The following RXFP2 variants were observed in gnomAD, a reference collection of about 807,000 sequenced individuals.
RXFP2 encodes relaxin family peptide receptor 2.
A neutral mutation model predicts 88.6 loss-of-function variants in RXFP2; 68 were observed. The ratio of observed to expected loss-of-function variants is 0.77; its 90% confidence interval spans 0.63 to 0.94. The LOEUF (loss-of-function observed/expected upper bound fraction) is 0.94, where lower values mean the gene tolerates loss of function less well. Ranked by LOEUF, RXFP2 falls within the 40% of genes least tolerant of loss-of-function variation. The probability of loss-of-function intolerance (pLI) is 0.00; values close to 1 mark genes in which losing one functional copy is unlikely to be tolerated. For missense variants in RXFP2, 791 were observed against 893.9 expected, an observed-to-expected ratio of 0.88 and a Z score of 1.47; for synonymous variants, 329 against 306.8, an observed-to-expected ratio of 1.07 and a Z score of -0.76.
At position 31,777,326 on chromosome 13, in the gene RXFP2, T is replaced by C. The variant is rs201624163; in HGVS notation, c.642-50T>C. 7.8e-6 allele frequency: 11 copies of C among 1,406,992 alleles called. No homozygotes were observed. The East Asian group carries it at 1.4e-4, about 18-fold the overall frequency. The allele number at this position is 1,406,992 out of a possible 1,614,324, so 87.2% of individuals were successfully genotyped here. On this transcript the variant is annotated intron_variant, in intron 7 of 17. Coordinates refer to ENST00000298386, the MANE Select transcript of RXFP2 (RefSeq NM_130806.5). The stretch of plus-strand genomic sequence containing the variant: ...AGGTGTTGAGGGGAGGCAGGTTTTA[T>C]TTCACAAATGTCTCTAATATTGGAA...
intron 9 of RXFP2, 53 bp from the exon 10 acceptor site, chr13:31,781,618 G>T: frequency 1.6e-6 from 2 of 1,260,590 alleles, no homozygotes; most frequent in Non-Finnish European, 2.3e-6. Flanking sequence ...GTATCTCTAA[G>T]CATATGATTT....
intron 5 of RXFP2, among the ~76,000 whole-genome samples, chr13:31,768,154 A>G (rs1483349535): frequency 6.6e-6 from 1 of 152,206 alleles, no homozygotes; most frequent in African/African-American, 2.4e-5. Context: ...CTCTAAGTAA[A>G]TGTCTAATTC....
At chr13:31,748,469 T>C (rs1322040562) in intron 1 of RXFP2, among the ~76,000 whole-genome samples, 1 of 152,224 alleles carries the variant, frequency 6.6e-6, no homozygotes, top group Admixed American at 6.5e-5. Flanking sequence ...AATTTGCATT[T>C]CTCTGATTAT....
rs965896550 is a variant in RXFP2 at position 31,791,760 on chromosome 13, C to A, written c.1146-46C>A. On this transcript the variant is annotated intron_variant, in intron 14 of 17. Transcript: ENST00000298386. ...CCCGATAGGACTGCAACTGTAGGTT[C>A]TGTATCATTGCTGCAAAGTGACACT... 3 of 1,294,864 alleles carry A rather than the reference C, an allele frequency of 2.3e-6. No individual in the cohort carries two copies. In the African/African-American group the frequency reaches 4.4e-5, roughly 19 times the overall value. 80.2% of individuals were successfully genotyped at this position (1,294,864 alleles called of 1,614,324 possible). A position where few individuals can be genotyped will look rare whatever the true frequency, so the allele number is the denominator to read the frequency against.
At chr13:31,770,665 G>C (rs910232477) in intron 5 of RXFP2, among the ~76,000 whole-genome samples, 4 of 152,132 alleles carry the variant, frequency 2.6e-5, no homozygotes, top group Non-Finnish European at 5.9e-5. Flanking sequence ...TCTCCAACTA[G>C]ATACACATTT....
intron 10 of RXFP2, among the ~76,000 whole-genome samples, chr13:31,782,284 T>A (rs545371623): frequency 2.0e-5 from 3 of 152,336 alleles, no homozygotes; most frequent in African/African-American, 7.2e-5. Flanking sequence ...CTGGAAAGCT[T>A]CAAAACATCA....
At chr13:31,739,840 G>T in intron 1 of RXFP2, 134 bp downstream of exon 1, 1 of 693,816 alleles carries the variant, frequency 1.4e-6, no homozygotes, top group Non-Finnish European at 2.6e-6. Flanking sequence ...CCTGGTATTT[G>T]TCATTATCTT....
chr13:31,775,277 G>T (rs1463251533), intron 6 of RXFP2, 41 bp from the exon 7 acceptor site: 3 of 1,387,328 alleles, frequency 2.2e-6, no homozygotes, highest in Non-Finnish European at 3.1e-6. Flanking sequence ...CTAAAATAGG[G>T]TATTGAGTTT....
At chr13:31,764,612 G>GA (rs2138415299) in intron 3 of RXFP2, among the ~76,000 whole-genome samples, 1 of 151,918 alleles carries the variant, frequency 6.6e-6, no homozygotes, top group Non-Finnish European at 1.5e-5. Context: ...TTTGAAGGAA[G>GA]AAAAAAAATG....
chr13:31,802,039 T>G, intron 17 of RXFP2, 107 bp from the exon 18 acceptor site: 3 of 1,119,692 alleles, frequency 2.7e-6, no homozygotes, highest in Non-Finnish European at 3.9e-6. Flanking sequence ...AAACTTAAAA[T>G]GTACTATGTC....
chr13:31,769,448 T>C (rs1335005520), intron 5 of RXFP2, among the ~76,000 whole-genome samples: 1 of 152,196 alleles, frequency 6.6e-6, no homozygotes, highest in Non-Finnish European at 1.5e-5. Flanking sequence ...TCCCTAAGTA[T>C]CCTCATTTCC....
At chr13:31,762,554 T>C (rs1872348913) in intron 3 of RXFP2, among the ~76,000 whole-genome samples, 1 of 152,306 alleles carries the variant, frequency 6.6e-6, no homozygotes, top group South Asian at 2.1e-4. Context: ...ATAGATAGAA[T>C]TTTTGGGGTG....
intron 5 of RXFP2, among the ~76,000 whole-genome samples, chr13:31,769,183 T>C (rs779605195): frequency 4.8e-4 from 73 of 152,300 alleles, no homozygotes; most frequent in Non-Finnish European, 8.5e-4. Flanking sequence ...GTTTAAAATA[T>C]ATAATTTGTT....
At chr13:31,793,158 T>A in intron 16 of RXFP2, 70 bp downstream of exon 16, 1 of 1,353,956 alleles carries the variant, frequency 7.4e-7, no homozygotes, top group Non-Finnish European at 1.0e-6. Flanking sequence ...TCAGCAAAGG[T>A]GGATTTGTTT....
intron 5 of RXFP2, among the ~76,000 whole-genome samples, chr13:31,770,306 A>G (rs1872690940): frequency 6.6e-6 from 1 of 152,220 alleles, no homozygotes; most frequent in Non-Finnish European, 1.5e-5. Context: ...ACTTAAGACT[A>G]CATTTGCCAT....
intron 5 of RXFP2, among the ~76,000 whole-genome samples, chr13:31,766,843 C>T (rs1004322978): frequency 6.6e-6 from 1 of 152,132 alleles, no homozygotes. Context: ...GGAGAATATT[C>T]AGGTTCGTGT....
chr13:31,772,010 G>C (rs991619963), intron 5 of RXFP2, among the ~76,000 whole-genome samples: 2 of 151,960 alleles, frequency 1.3e-5, no homozygotes, highest in Admixed American at 6.6e-5. Context: ...AGATGAATGT[G>C]TTGCTTAACT....
chr13:31,790,878 A>T (rs774923675), intron 14 of RXFP2, among the ~76,000 whole-genome samples: 4 of 152,058 alleles, frequency 2.6e-5, no homozygotes, highest in Non-Finnish European at 5.9e-5. Flanking sequence ...AGCTCTGAGT[A>T]GGGCATGAGC....
At position 31,791,909 on chromosome 13, in the gene RXFP2, A is replaced by G; in HGVS notation, c.1249A>G (p.Ile417Val). The change falls in exon 15 of 18, where the codon ATC becomes GTC. Residue 417 changes from isoleucine (I) to valine (V), a missense_variant. Coordinates refer to ENST00000298386, the MANE Select transcript of RXFP2 (RefSeq NM_130806.5). Reference protein sequence around the residue: ...SSFEDLLANNILRIFVWVIAF... With the variant: ...SSFEDLLANNVLRIFVWVIAF... ...ATTTGAGGACCTCTTGGCTAACAATATCCTCAGAATATTTGTCTGGGTTAT... is the reference window on the plus strand; with the variant it reads ...ATTTGAGGACCTCTTGGCTAACAATGTCCTCAGAATATTTGTCTGGGTTAT... 6.2e-7 allele frequency: 1 copy of G among 1,614,004 alleles called. No homozygotes were observed. Among genetic ancestry groups the G allele is most frequent in the Non-Finnish European group, 8.5e-7 (1 of 1,179,906 alleles).
Sources: gnomAD v4.1 joint callset for allele counts (sites outside exome capture counted in the v4.1 genomes callset) on GRCh38, gnomAD v4.1.1 for gene constraint, MANE v1.5 for transcripts, NCBI Gene and HGNC (gene_info 2026-07-23, HGNC 2026-07-21) for gene names.